SPART: variants seen among roughly 807,000 people sequenced by gnomAD.
SPART encodes the protein spastic paraplegia 20 (Troyer syndrome).
A neutral mutation model predicts 58.7 loss-of-function variants in SPART; 35 were observed. The ratio of observed to expected loss-of-function variants is 0.60; its 90% CI spans 0.46 to 0.79. The LOEUF (loss-of-function observed/expected upper bound fraction) is 0.79, where lower values mean the gene tolerates loss of function less well. Among genes scored for constraint, SPART ranks in the 30% least tolerant of loss-of-function variants. SPART has a pLI of 0.00. For synonymous variants in SPART, 284 were observed against 280.7 expected, an observed-to-expected ratio of 1.01 and a Z score of -0.12; for missense variants, 730 against 786.1, an observed-to-expected ratio of 0.93 and a Z score of 0.85.
At chr13:36,306,180 A>G (rs916947858) in intron 8 of SPART, among the ~76,000 whole-genome samples, 1 of 152,120 alleles carries the variant, frequency 6.6e-6, no homozygotes, top group African/African-American at 2.4e-5. Context: ...CAGTCAACAG[A>G]CAGAAAAACT....
rs753839601 is a variant in SPART at position 36,331,538 on chromosome 13, G to A, written c.869C>T (p.Ala290Val). 16 of 1,613,702 alleles carry A rather than the reference G, an allele frequency of 9.9e-6. No homozygotes were observed. Among genetic ancestry groups the A allele is most frequent in the African/African-American group, 5.3e-5 (4 of 74,816 alleles). The part of the protein sequence containing the change: ...PDRSPVLKCT[A>V]GAYMFPDTML... ...TGTATCAGGAAACATGTAGGCTCCC[G>A]CAGTACATTTCAGAACCGGAGATCT... Residue 290 changes from alanine to valine, a missense_variant, in exon 3 of 9, where the codon GCG (alanine) becomes GTG (valine). By Grantham distance (64) the Ala-to-Val change is moderately conservative (BLOSUM62 0). Coordinates refer to ENST00000438666, the MANE Select transcript of SPART (RefSeq NM_015087.5).
chr13:36,324,493 G>C (rs1174066224), intron 5 of SPART, among the ~76,000 whole-genome samples: 1 of 152,282 alleles, frequency 6.6e-6, no homozygotes, highest in Admixed American at 6.5e-5. Context: ...TCACTAGCTA[G>C]CCTTTGAGTC....
chr13:36,332,725 T>A (rs951738112), intron 2 of SPART, among the ~76,000 whole-genome samples: 1 of 152,198 alleles, frequency 6.6e-6, no homozygotes, highest in Non-Finnish European at 1.5e-5. Context: ...TAAGCTCACA[T>A]CCTGGCTGCC....
At chr13:36,345,835 A>G (rs1245060030) in intron 1 of SPART, among the ~76,000 whole-genome samples, 1 of 152,122 alleles carries the variant, frequency 6.6e-6, no homozygotes, top group Non-Finnish European at 1.5e-5. Flanking sequence ...GGAGGGCAAA[A>G]GACCACAGAG....
chr13:36,331,273 A>G, intron 3 of SPART, 126 bp downstream of exon 3: 1 of 865,810 alleles, frequency 1.2e-6, no homozygotes, highest in South Asian at 1.4e-5. Flanking sequence ...GTGAACACAC[A>G]AACAAATGGT....
Position 36,312,345 on chromosome 13 carries a change from A to G in SPART, c.1616T>C (p.Met539Thr). Reference protein sequence around the residue: ...KDGKSPLDGAMVVAASSVQGF... With the variant: ...KDGKSPLDGATVVAASSVQGF... ...TTGAACACTACTTGCTGCTACAACC[A>G]TAGCACCATCCAGAGGAGATTTCCC... The change falls in exon 7 of 9, where the codon ATG (methionine) becomes ACG (threonine). Residue 539 changes from methionine to threonine, a missense_variant. Met to Thr is a moderately conservative substitution (Grantham distance 81). Transcript: ENST00000438666. 1.2e-6 allele frequency: 2 copies of G among 1,614,124 alleles called. No homozygotes were observed. The highest frequency in any genetic ancestry group is 1.3e-5 in the African/African-American group (1 of 75,050).
chr13:36,314,170 T>G, intron 6 of SPART, 57 bp downstream of exon 6: 1 of 1,504,432 alleles, frequency 6.6e-7, no homozygotes. Flanking sequence ...TAACCCTGGA[T>G]TAAGACATTA....
intron 8 of SPART, among the ~76,000 whole-genome samples, chr13:36,307,916 C>T (rs1566106565): frequency 6.6e-6 from 1 of 152,054 alleles, no homozygotes; most frequent in Non-Finnish European, 1.5e-5. Flanking sequence ...TTATATAATA[C>T]ATTTGGTTTT....
At chr13:36,333,963 G>T (rs79760313) in intron 2 of SPART, among the ~76,000 whole-genome samples, 1 of 151,932 alleles carries the variant, frequency 6.6e-6, no homozygotes, top group African/African-American at 2.4e-5. Flanking sequence ...AGCAAGCCTC[G>T]AATTGTCTTT....
In SPART at chr13:36,368,157, A is replaced by C. The variant is rs1399664731; in HGVS notation, c.-3+1932T>G. On this transcript the variant is annotated intron_variant, in intron 1 of 8. Transcript: ENST00000355182. Reference sequence around the variant, plus strand: ...GGCATATTTTAAACATGTCAACAAAAAATAAATTCTTTCATTTACTCATTC... The same window carrying C: ...GGCATATTTTAAACATGTCAACAAACAATAAATTCTTTCATTTACTCATTC... The C allele has an allele frequency of 1.3e-5, 6 of 456,810 alleles. No individual in the cohort carries two copies. In the Admixed American group the frequency reaches 1.5e-4, roughly 12 times the overall value. 28.3% of individuals were successfully genotyped at this position (456,810 alleles called of 1,614,324 possible).
At chr13:36,318,679 G>A (rs1882004662) in intron 5 of SPART, among the ~76,000 whole-genome samples, 1 of 152,148 alleles carries the variant, frequency 6.6e-6, no homozygotes, top group South Asian at 2.1e-4. Context: ...CAGTGGCCAG[G>A]CGTTCCTCCA....
In SPART at chr13:36,303,171, G is replaced by C. The variant is rs1880154567; in HGVS notation, c.*1194C>G. ...AATTCAGTTTTTTAATTCATAAAGT[G>C]CATTCTTCAGACAGCTTCAAATAAT... is the stretch of plus-strand genomic sequence containing the variant. On this transcript the variant is annotated 3_prime_UTR_variant, in exon 9 of 9. Transcript: ENST00000438666. 1 of 152,148 alleles carries C rather than the reference G, an allele frequency of 6.6e-6. No homozygotes were observed. The highest frequency in any genetic ancestry group is 2.4e-5 in the African/African-American group (1 of 41,432). 9.4% of individuals were successfully genotyped at this position (152,148 alleles called of 1,614,324 possible).
At position 36,326,657 on chromosome 13, in the gene SPART, A is replaced by T. The variant is rs1555261883; in HGVS notation, c.1206T>A (p.Ile402=). The change falls in exon 5 of 9, where the codon ATT becomes ATA. Residue 402 remains isoleucine, a synonymous_variant. Transcript: ENST00000438666. The part of the protein sequence containing the change: ...TSSEEVNLSH[I]VPCEPVPEEK... ...CTTCTGGAACTGGCTCACATGGTAC[A>T]ATGTGACTCAGGTTAACTTCTTCAC... 6.2e-7 allele frequency: 1 copy of T among 1,612,862 alleles called. No homozygotes were observed. The highest frequency in any genetic ancestry group is 8.5e-7 in the Non-Finnish European group (1 of 1,179,500).
intron 1 of SPART, among the ~76,000 whole-genome samples, chr13:36,340,571 T>C (rs1172592120): frequency 6.6e-6 from 1 of 152,040 alleles, no homozygotes. Context: ...TGAGTAAAAA[T>C]AGCTTCTAAA....
At chr13:36,348,147 A>C (rs913125924), upstream of SPART, among the ~76,000 whole-genome samples, 1 of 152,088 alleles carries the variant, frequency 6.6e-6, no homozygotes, top group African/African-American at 2.4e-5. Flanking sequence ...TTAGCTGGGC[A>C]TGGTGGTACA....
chr13:36,327,962 C>G (rs1883102094), intron 4 of SPART, among the ~76,000 whole-genome samples: 1 of 152,142 alleles, frequency 6.6e-6, no homozygotes, highest in Admixed American at 6.5e-5. Flanking sequence ...CCACTGCACT[C>G]CAGCCTGGGC....
chr13:36,304,572 G>A lies in SPART; in HGVS notation c.1794C>T (p.Gly598=), dbSNP rs1413533265. 16 of 1,614,020 alleles carry A rather than the reference G, an allele frequency of 9.9e-6. No individual in the cohort carries two copies. Among genetic ancestry groups the A allele is most frequent in the Non-Finnish European group, 1.3e-5 (15 of 1,180,004 alleles). ...HHAVDSAVNV[G]VTAYNINNIG... is the part of the protein sequence containing the mutation. ...TGTTGTTAATATTGTAGGCAGTTACGCCAACATTGACCGCAGAATCCACCG... is the reference window on the plus strand; with the variant it reads ...TGTTGTTAATATTGTAGGCAGTTACACCAACATTGACCGCAGAATCCACCG... The change falls in exon 9 of 9, where the codon GGC becomes GGT. Residue 598 remains glycine (G), a synonymous_variant. Transcript: ENST00000438666.
At chr13:36,352,571 A>C (rs1209785616) in intron 1 of SPART, among the ~76,000 whole-genome samples, 1 of 152,182 alleles carries the variant, frequency 6.6e-6, no homozygotes, top group Non-Finnish European at 1.5e-5. Flanking sequence ...GAGAATACTT[A>C]CACAGCATTT....
intron 1 of SPART, among the ~76,000 whole-genome samples, chr13:36,368,594 A>G (rs555370446): frequency 6.6e-6 from 1 of 152,240 alleles, no homozygotes; most frequent in African/African-American, 2.4e-5. Context: ...AAGAGAAGTG[A>G]GGCTATCAAT....
Sources: gnomAD v4.1 joint callset for allele counts (sites outside exome capture counted in the v4.1 genomes callset) on GRCh38, gnomAD v4.1.1 for gene constraint, MANE v1.5 for transcripts, NCBI Gene and HGNC (gene_info 2026-07-23, HGNC 2026-07-21) for gene names.